UBE2U: variants seen among roughly 807,000 people sequenced by gnomAD.
UBE2U encodes the protein ubiquitin-conjugating enzyme E2 U.
A neutral mutation model predicts 41.2 loss-of-function variants in UBE2U; 39 were observed. That is an observed-to-expected ratio of 0.95 (90% CI 0.73 to 1.24). The LOEUF is 1.24. Ranked by LOEUF, UBE2U falls within the 50% of genes most tolerant of loss-of-function variation. The pLI is 0.00. For missense variants in UBE2U, 336 were observed against 363.1 expected, an observed-to-expected ratio of 0.93 and a Z score of 0.61; for synonymous variants, 107 against 117.8, an observed-to-expected ratio of 0.91 and a Z score of 0.60.
At chr1:64,252,213 C>A (rs1645022319) in intron 8 of UBE2U, among the ~76,000 whole-genome samples, 1 of 152,142 alleles carries the variant, frequency 6.6e-6, no homozygotes, top group African/African-American at 2.4e-5. Flanking sequence ...CCTTCAGTCA[C>A]TCTAGCCAGG....
At chr1:64,225,613 T>C (rs1489763171) in intron 6 of UBE2U, among the ~76,000 whole-genome samples, 4 of 152,218 alleles carry the variant, frequency 2.6e-5, no homozygotes, top group Non-Finnish European at 5.9e-5. Flanking sequence ...GTTATTTTGG[T>C]TGATCAGGGG....
At chr1:64,228,841 A>G (rs932877989) in intron 6 of UBE2U, among the ~76,000 whole-genome samples, 2 of 140,684 alleles carry the variant, frequency 1.4e-5, no homozygotes, top group Non-Finnish European at 3.0e-5. Flanking sequence ...GGCACGTGCC[A>G]CCTTGCCCAG....
At position 64,241,752 on chromosome 1, in the gene UBE2U, C is replaced by T. The variant is rs1202469079; in HGVS notation, c.677+19C>T. 6.4e-7 allele frequency: 1 copy of T among 1,568,066 alleles called. No individual in the cohort carries two copies. Among genetic ancestry groups the T allele is most frequent in the African/African-American group, 1.4e-5 (1 of 73,390 alleles). ...ATTTAAAGTAAGAAATATGAAGTGC[C>T]TTGAATGTGTACATTAACTTGAATT... On this transcript the variant is annotated intron_variant, in intron 8 of 9. Coordinates refer to ENST00000371077, the MANE Select transcript of UBE2U (RefSeq NM_001366232.2).
At chr1:64,226,349 T>C (rs573920906) in intron 6 of UBE2U, among the ~76,000 whole-genome samples, 138 of 152,288 alleles carry the variant, frequency 9.1e-4, no homozygotes, top group African/African-American at 2.9e-3. Context: ...GATCGGTGAT[T>C]GCCCAGAATG....
At chr1:64,209,069 T>C (rs1651496120) in intron 3 of UBE2U, among the ~76,000 whole-genome samples, 2 of 152,250 alleles carry the variant, frequency 1.3e-5, no homozygotes, top group South Asian at 4.1e-4. Context: ...ATTCATATTT[T>C]ACATTAGATT....
At chr1:64,212,632 G>C (rs900188133) in intron 4 of UBE2U, among the ~76,000 whole-genome samples, 3 of 152,108 alleles carry the variant, frequency 2.0e-5, no homozygotes, top group African/African-American at 7.2e-5. Flanking sequence ...AAATGCTTAG[G>C]AATTGGAAAT....
intron 7 of UBE2U, among the ~76,000 whole-genome samples, chr1:64,239,120 G>GGAAGA (rs1557730064): frequency 7.8e-4 from 14 of 17,902 alleles, no homozygotes; most frequent in African/African-American, 5.3e-3. Context: ...AGAAGAAGAA[G>GGAAGA]AAGAAGAAGA....
intron 3 of UBE2U, among the ~76,000 whole-genome samples, chr1:64,208,686 T>C (rs1408529732): frequency 9.6e-6 from 1 of 104,186 alleles, no homozygotes; most frequent in Admixed American, 9.6e-5. Flanking sequence ...ATAGGAAAAA[T>C]GGAAATAACT....
intron 7 of UBE2U, among the ~76,000 whole-genome samples, chr1:64,238,204 A>T (rs1644704932): frequency 6.6e-6 from 1 of 152,150 alleles, no homozygotes; most frequent in Non-Finnish European, 1.5e-5. Context: ...CAGGAGTTTG[A>T]GACCAGCCTG....
chr1:64,231,259 G>A (rs1644559684), intron 6 of UBE2U, among the ~76,000 whole-genome samples: 1 of 152,204 alleles, frequency 6.6e-6, no homozygotes, highest in African/African-American at 2.4e-5. Flanking sequence ...TGTGCCTGAA[G>A]ATGGTGTATT....
chr1:64,222,457 C>A (rs1652556844), intron 6 of UBE2U, among the ~76,000 whole-genome samples: 1 of 152,204 alleles, frequency 6.6e-6, no homozygotes, highest in South Asian at 2.1e-4. Context: ...AGCAGGTCCT[C>A]TGAGCCAAAC....
chr1:64,239,092 GGAAGAAGAAGAAGAA>G (rs1221201927), intron 7 of UBE2U, among the ~76,000 whole-genome samples: 6 of 42,800 alleles, frequency 1.4e-4, no homozygotes, highest in East Asian at 7.7e-4. Flanking sequence ...AAGAGGAAGA[GGAAGAAGAAGAAGAA>G]GAAGAAGAAG....
In UBE2U at chr1:64,267,221, C is replaced by G. The variant is rs1645268270; in HGVS notation, c.*13C>G. ...TTCAGAAGATTAAGCAGAACATTAT[C>G]AGATTCAAAAAATAAACAGCCTCCG... On this transcript the variant is annotated 3_prime_UTR_variant, in exon 10 of 10. Coordinates refer to ENST00000371077, the MANE Select transcript of UBE2U (RefSeq NM_001366232.2). The G allele has an allele frequency of 3.4e-6, 5 of 1,478,438 alleles. No individual in the cohort carries two copies. The highest frequency in any genetic ancestry group is 4.5e-6 in the Non-Finnish European group (5 of 1,116,396). The allele number at this position is 1,478,438 out of a possible 1,614,324, so 91.6% of individuals were successfully genotyped here.
intron 4 of UBE2U, among the ~76,000 whole-genome samples, chr1:64,212,634 A>T (rs1307811828): frequency 6.6e-6 from 1 of 152,208 alleles, no homozygotes; most frequent in African/African-American, 2.4e-5. Flanking sequence ...ATGCTTAGGA[A>T]TTGGAAATTT....
Position 64,203,961 on chromosome 1 carries a change from G to A in UBE2U, c.-90G>A, listed in dbSNP as rs986184880. On this transcript the variant is annotated 5_prime_UTR_variant, in exon 1 of 10. It adds an upstream start codon to the 5' untranslated region. Coordinates refer to ENST00000371077, the MANE Select transcript of UBE2U (RefSeq NM_001366232.2). ...CAAGTAACTTATATCAGTTTACTAA[G>A]TGTGGGAAAGTGACCCATAACTTCA... The A allele has an allele frequency of 1.3e-4, 152 of 1,143,964 alleles. 3 individuals carry two copies. The South Asian group carries it at 1.4e-3, about 11-fold the overall frequency. 70.9% of individuals were successfully genotyped at this position (1,143,964 alleles called of 1,614,324 possible).
chr1:64,209,163 G>A lies in UBE2U; in HGVS notation c.242-1579G>A, dbSNP rs12132963. The stretch of plus-strand genomic sequence containing the variant: ...CTATAACACAAAATTAATTACATAC[G>A]TGTGCCTTTATTTGTTTAAAATAGT... On this transcript the variant is annotated intron_variant, in intron 3 of 9. Coordinates refer to ENST00000371077, the MANE Select transcript of UBE2U (RefSeq NM_001366232.2). Among the ~76,000 whole-genome samples the A allele has an allele frequency of 2.4e-4, 36 of 152,140 alleles. No individual in the cohort carries two copies. The East Asian group carries it at 5.0e-3, about 21-fold the overall frequency.
At chr1:64,266,973 T>G in intron 9 of UBE2U, 51 bp from the exon 10 acceptor site, 1 of 1,479,596 alleles carries the variant, frequency 6.8e-7, no homozygotes, top group Non-Finnish European at 9.1e-7. Flanking sequence ...CTTTTTATTG[T>G]TTTTCTTATT....
At chr1:64,224,592 G>A (rs540397145) in intron 6 of UBE2U, among the ~76,000 whole-genome samples, 55 of 152,082 alleles carry the variant, frequency 3.6e-4, no homozygotes, top group South Asian at 2.7e-3. Flanking sequence ...GCATGGTGGC[G>A]CGTGCCTGTA....
intron 8 of UBE2U, among the ~76,000 whole-genome samples, chr1:64,253,143 T>C (rs957973838): frequency 5.3e-5 from 8 of 151,950 alleles, no homozygotes; most frequent in African/African-American, 1.9e-4. Flanking sequence ...GCAGAATAGA[T>C]CAAGTGGAGG....
Sources: allele counts gnomAD v4.1 joint callset (sites outside exome capture counted in the v4.1 genomes callset), GRCh38; gene constraint gnomAD v4.1.1; transcripts MANE v1.5; gene names NCBI Gene and HGNC (gene_info 2026-07-23, HGNC 2026-07-21).